The following TTC28 variants were observed in gnomAD, a reference collection of about 807,000 sequenced individuals.
TTC28 encodes the protein tetratricopeptide repeat protein 28.
A neutral mutation model predicts 198.0 loss-of-function variants in TTC28; 61 were observed. The observed-to-expected ratio is 0.31, with a 90% confidence interval of 0.25 to 0.38. The LOEUF (loss-of-function observed/expected upper bound fraction) is 0.38, where lower values mean the gene tolerates loss of function less well. TTC28 is among the 10% of genes least tolerant of loss of function. The probability of loss-of-function intolerance (pLI) is 1.00; values close to 1 mark genes in which losing one functional copy is unlikely to be tolerated. For missense variants in TTC28, 2,678 were observed against 3,164.0 expected (o/e 0.85, Z 3.69); for synonymous variants, 1,171 against 1,297.8 (o/e 0.90, Z 2.10).
intron 2 of TTC28, among the ~76,000 whole-genome samples, chr22:28,496,772 A>C (rs2048460802): frequency 6.6e-6 from 1 of 152,068 alleles, no homozygotes. Context: ...TCCTCCGCTT[A>C]GAAGATTATA....
rs556291068 is a variant in TTC28, at chr22:28,323,434, TAAA to T, written c.382-16794_382-16792del. Among the ~76,000 whole-genome samples, 18 of 152,186 alleles carry T rather than the reference TAAA, an allele frequency of 1.2e-4. No homozygotes were observed. The South Asian group carries it at 3.7e-3, about 32-fold the overall frequency. ...AATTTAATAAAGGGATTGAAATAAT[TAAA>T]AAGAAGCAGAAATTCTGGAGTTGAA... On this transcript the variant is annotated intron_variant, in intron 2 of 22. Coordinates refer to ENST00000397906, the MANE Select transcript of TTC28 (RefSeq NM_001145418.2).
intron 2 of TTC28, among the ~76,000 whole-genome samples, chr22:28,455,074 A>G (rs1014778831): frequency 6.6e-6 from 1 of 152,192 alleles, no homozygotes; most frequent in Non-Finnish European, 1.5e-5. Context: ...GAGTGCACAT[A>G]TAAGAAAACT....
chr22:28,089,640 T>C (rs968061964), intron 12 of TTC28, among the ~76,000 whole-genome samples: 1 of 148,068 alleles, frequency 6.8e-6, no homozygotes, highest in African/African-American at 2.5e-5. Context: ...GTTGTGCACA[T>C]ATACCCTAAA....
chr22:27,989,526 AT>A (rs935219208), intron 21 of TTC28, among the ~76,000 whole-genome samples: 6 of 151,494 alleles, frequency 4.0e-5, no homozygotes, highest in South Asian at 2.1e-4. Context: ...ATCTAAGTTA[AT>A]TTTTTTTTGG....
At chr22:28,491,143 C>T (rs1246332736) in intron 2 of TTC28, among the ~76,000 whole-genome samples, 4 of 152,206 alleles carry the variant, frequency 2.6e-5, no homozygotes, top group African/African-American at 9.7e-5. Flanking sequence ...CCCTCTCTTC[C>T]TCTTCTTACC....
chr22:28,161,668 G>T (rs1921197460), intron 6 of TTC28, among the ~76,000 whole-genome samples: 1 of 145,464 alleles, frequency 6.9e-6, no homozygotes, highest in East Asian at 2.0e-4. Flanking sequence ...AAGAAAGAAA[G>T]AAAAGGAAGA....
chr22:28,078,033 T>G (rs1436793353), intron 12 of TTC28, among the ~76,000 whole-genome samples: 1 of 152,246 alleles, frequency 6.6e-6, no homozygotes, highest in Non-Finnish European at 1.5e-5. Flanking sequence ...AACATCTCCC[T>G]TATGGGAGGC....
chr22:28,605,278 A>G (rs1200768967), intron 2 of TTC28, among the ~76,000 whole-genome samples: 3 of 152,186 alleles, frequency 2.0e-5, no homozygotes, highest in Non-Finnish European at 4.4e-5. Flanking sequence ...AAAAACTCTT[A>G]GATAAGAAAT....
chr22:27,993,661 G>A (rs768123995), intron 17 of TTC28, 143 bp from the exon 18 acceptor site: 4 of 740,072 alleles, frequency 5.4e-6, no homozygotes, highest in South Asian at 1.9e-5. Flanking sequence ...GCCTGAGGAT[G>A]TGACACTGGG....
chr22:28,030,296 T>C lies in TTC28; in HGVS notation c.4003A>G (p.Asn1335Asp). ...IMDQQFEEMN[N>D]KLNSVTDPTG... ...GGGTCAGTGACCGAGTTGAGTTTGT[T>C]GTTCATCTCTTCAAATTGCTGGTCC... Residue 1335 changes from asparagine to aspartate, a missense_variant, in exon 13 of 23, where the codon AAC (asparagine) becomes GAC (aspartate). Asn to Asp is a conservative substitution (Grantham distance 23). Coordinates refer to ENST00000397906, the MANE Select transcript of TTC28 (RefSeq NM_001145418.2). 6.4e-7 allele frequency: 1 copy of C among 1,551,804 alleles called. No individual in the cohort carries two copies. Among genetic ancestry groups the C allele is most frequent in the South Asian group, 1.2e-5 (1 of 84,056 alleles).
chr22:28,634,522 A>G (rs1004956561), intron 1 of TTC28, among the ~76,000 whole-genome samples: 6 of 151,788 alleles, frequency 4.0e-5, no homozygotes, highest in Non-Finnish European at 8.8e-5. Flanking sequence ...AAAAAAAAAA[A>G]AAGAAACGGA....
intron 14 of TTC28, among the ~76,000 whole-genome samples, chr22:28,011,581 G>C (rs902403281): frequency 6.6e-6 from 1 of 152,126 alleles, no homozygotes; most frequent in African/African-American, 2.4e-5. Flanking sequence ...TGGGGACAGA[G>C]CAAGACTCTG....
intron 2 of TTC28, among the ~76,000 whole-genome samples, chr22:28,460,528 G>C (rs763880813): frequency 5.9e-5 from 9 of 151,262 alleles, no homozygotes; most frequent in Non-Finnish European, 1.3e-4. Context: ...GACATCTCAG[G>C]AGCTATCTAA....
chr22:28,211,499 A>G (rs1251730857), intron 5 of TTC28, among the ~76,000 whole-genome samples: 1 of 152,192 alleles, frequency 6.6e-6, no homozygotes, highest in African/African-American at 2.4e-5. Flanking sequence ...CTGATAAAAC[A>G]GACTTTAAAT....
In TTC28 at chr22:28,542,269, C is replaced by A. The variant is rs571878890; in HGVS notation, c.381+87283G>T. On this transcript the variant is annotated intron_variant, in intron 2 of 22. Coordinates refer to ENST00000397906, the MANE Select transcript of TTC28 (RefSeq NM_001145418.2). ...ATGCAGCAATAGAATCTATAGAAAC[C>A]AAAGCACAAAGACTGAATAAAAATA... Among the ~76,000 whole-genome samples, 38 of 151,974 alleles carry A rather than the reference C, an allele frequency of 2.5e-4. No homozygotes were observed. In the East Asian group the frequency reaches 7.0e-3, roughly 28 times the overall value.
intron 12 of TTC28, among the ~76,000 whole-genome samples, chr22:28,070,278 T>A (rs1223722160): frequency 6.6e-6 from 1 of 151,658 alleles, no homozygotes; most frequent in African/African-American, 2.4e-5. Context: ...AGTGGGAGAG[T>A]GAGAAATTAC....
rs575744232 is a variant in TTC28 at position 28,132,524 on chromosome 22, A to G, written c.1442-24121T>C. Among the ~76,000 whole-genome samples, 30 of 152,364 alleles carry G rather than the reference A, an allele frequency of 2.0e-4. 1 individual carries two copies. The highest frequency in any genetic ancestry group is 1.6e-3 in the Admixed American group (25 of 15,308). On this transcript the variant is annotated intron_variant, in intron 6 of 22. Coordinates refer to ENST00000397906, the MANE Select transcript of TTC28 (RefSeq NM_001145418.2). ...ACATTACTTTTTTCATCAGTAAAGT[A>G]AGAGTTAGACTGAATATTTTTCAAA...
chr22:28,059,321 A>T (rs181354963), intron 12 of TTC28, among the ~76,000 whole-genome samples: 29 of 151,854 alleles, frequency 1.9e-4, no homozygotes, highest in Admixed American at 1.6e-3. Flanking sequence ...AATACATTTA[A>T]ATTTCTCTTG....
intron 2 of TTC28, among the ~76,000 whole-genome samples, chr22:28,464,460 G>A (rs2047991841): frequency 1.3e-5 from 2 of 152,108 alleles, no homozygotes; most frequent in South Asian, 4.1e-4. Flanking sequence ...CATATTTACT[G>A]TATCAGTAGC....
Sources: allele counts gnomAD v4.1 joint callset (sites outside exome capture counted in the v4.1 genomes callset), GRCh38; gene constraint gnomAD v4.1.1; transcripts MANE v1.5; gene names NCBI Gene and HGNC (gene_info 2026-07-23, HGNC 2026-07-21).